The following MAP4K3 variants were observed in gnomAD, a reference collection of about 807,000 sequenced individuals.
MAP4K3 encodes the protein MAPK/ERK kinase kinase kinase 3.
A neutral mutation model predicts 143.5 loss-of-function variants in MAP4K3; 94 were observed. The ratio of observed to expected loss-of-function variants is 0.65; its 90% CI spans 0.55 to 0.78. MAP4K3 has a LOEUF of 0.78. Among genes scored for constraint, MAP4K3 ranks in the 30% least tolerant of loss-of-function variants. MAP4K3 has a pLI of 0.00. For missense variants in MAP4K3, 1,077 were observed against 1,068.1 expected (o/e 1.01, Z -0.12); for synonymous variants, 416 against 347.2 (o/e 1.20, Z -2.20).
chr2:39,379,642 G>A (rs1666309145), intron 1 of MAP4K3: 1 of 160,556 alleles, frequency 6.2e-6, no homozygotes, highest in Non-Finnish European at 1.5e-5. Context: ...ACAACTACTT[G>A]CCTCTCCTCA....
chr2:39,342,348 T>C (rs1009938621), intron 4 of MAP4K3, among the ~76,000 whole-genome samples: 1 of 152,092 alleles, frequency 6.6e-6, no homozygotes, highest in Non-Finnish European at 1.5e-5. Context: ...CAGGCCAGTC[T>C]TGAACTCCTG....
intron 16 of MAP4K3, among the ~76,000 whole-genome samples, chr2:39,298,785 G>C (rs2148487338): frequency 6.6e-6 from 1 of 152,102 alleles, no homozygotes; most frequent in East Asian, 1.9e-4. Context: ...GATCAACATG[G>C]TGAAACCCAG....
chr2:39,341,722 T>C (rs1665145550), intron 4 of MAP4K3, among the ~76,000 whole-genome samples: 1 of 150,502 alleles, frequency 6.6e-6, no homozygotes, highest in African/African-American at 2.4e-5. Flanking sequence ...AATAGAGAAA[T>C]TCACCCAAAT....
At chr2:39,416,964 T>C (rs1667398627) in intron 1 of MAP4K3, among the ~76,000 whole-genome samples, 1 of 152,218 alleles carries the variant, frequency 6.6e-6, no homozygotes, top group Non-Finnish European at 1.5e-5. Context: ...TTAAAGTTCC[T>C]ACAACATAGC....
intron 12 of MAP4K3, among the ~76,000 whole-genome samples, chr2:39,321,749 G>C: frequency 6.6e-6 from 1 of 152,252 alleles, no homozygotes; most frequent in East Asian, 1.9e-4. Flanking sequence ...CTTAGGGCTG[G>C]AGGTGGGACA....
At chr2:39,408,319 T>C (rs771911850) in intron 1 of MAP4K3, among the ~76,000 whole-genome samples, 1 of 152,018 alleles carries the variant, frequency 6.6e-6, no homozygotes, top group Non-Finnish European at 1.5e-5. Context: ...GTCAAAATAG[T>C]CTACTTGACC....
At chr2:39,267,084 G>C (rs1680796772) in intron 27 of MAP4K3, 105 bp downstream of exon 27, 1 of 1,095,198 alleles carries the variant, frequency 9.1e-7, no homozygotes, top group African/African-American at 1.6e-5. Context: ...TACTTAAGCA[G>C]GAAAAATAAA....
intron 1 of MAP4K3, among the ~76,000 whole-genome samples, chr2:39,418,245 C>A (rs1456694737): frequency 6.7e-6 from 1 of 149,036 alleles, no homozygotes; most frequent in Non-Finnish European, 1.5e-5. Flanking sequence ...ATGAATGGGA[C>A]ACAGGAAAGA....
At chr2:39,359,210 T>C (rs978886132) in intron 2 of MAP4K3, among the ~76,000 whole-genome samples, 2 of 152,144 alleles carry the variant, frequency 1.3e-5, no homozygotes, top group African/African-American at 4.8e-5. Context: ...TACAGGCCCC[T>C]TGCAAGTCTG....
intron 21 of MAP4K3, among the ~76,000 whole-genome samples, chr2:39,284,136 A>AT (rs1181554936): frequency 6.6e-6 from 1 of 152,022 alleles, no homozygotes; most frequent in Non-Finnish European, 1.5e-5. Context: ...GATGTCATCT[A>AT]TTTTAGCAAA....
intron 16 of MAP4K3, among the ~76,000 whole-genome samples, chr2:39,296,706 CAAAA>C (rs969914942): frequency 2.6e-4 from 39 of 152,266 alleles, no homozygotes; most frequent in African/African-American, 9.1e-4. Context: ...AGCAAACAAA[CAAAA>C]ACCCTATTTC....
At chr2:39,317,103 A>G (rs1683135937) in intron 12 of MAP4K3, among the ~76,000 whole-genome samples, 1 of 152,050 alleles carries the variant, frequency 6.6e-6, no homozygotes, top group Non-Finnish European at 1.5e-5. Flanking sequence ...CTAGAAATAA[A>G]GCCATACATC....
intron 12 of MAP4K3, among the ~76,000 whole-genome samples, chr2:39,316,690 C>G (rs1360114430): frequency 6.6e-6 from 1 of 152,028 alleles, no homozygotes; most frequent in Non-Finnish European, 1.5e-5. Flanking sequence ...TTCTGAAATG[C>G]TAAATAATTT....
intron 1 of MAP4K3, among the ~76,000 whole-genome samples, chr2:39,394,473 A>G (rs1666751653): frequency 6.6e-6 from 1 of 152,132 alleles, no homozygotes; most frequent in Non-Finnish European, 1.5e-5. Context: ...GAGCCACATT[A>G]TTTTTTGCTT....
intron 27 of MAP4K3, 98 bp from the exon 28 acceptor site, chr2:39,265,404 A>G: frequency 1.2e-6 from 1 of 809,368 alleles, no homozygotes; most frequent in African/African-American, 1.7e-5. Flanking sequence ...AACAAACTAA[A>G]CATAAAACAA....
At chr2:39,332,155 T>C (rs1379531437) in intron 7 of MAP4K3, among the ~76,000 whole-genome samples, 166 bp from the exon 8 acceptor site, 1 of 152,104 alleles carries the variant, frequency 6.6e-6, no homozygotes, top group Non-Finnish European at 1.5e-5. Context: ...GGACTCGCAT[T>C]AAAATATCAC....
intron 2 of MAP4K3, among the ~76,000 whole-genome samples, chr2:39,359,407 C>T (rs1477559178): frequency 4.6e-5 from 7 of 152,222 alleles, no homozygotes; most frequent in African/African-American, 9.6e-5. Flanking sequence ...GGTACAGCTC[C>T]CCTCCTGGCT....
In MAP4K3 at chr2:39,307,879, T is replaced by A. The variant is rs968996495; in HGVS notation, c.1119+64A>T. 2.4e-6 allele frequency: 3 copies of A among 1,262,344 alleles called. No homozygotes were observed. In the African/African-American group the frequency reaches 4.6e-5, roughly 19 times the overall value. 78.2% of individuals were successfully genotyped at this position (1,262,344 alleles called of 1,614,324 possible). On this transcript the variant is annotated intron_variant, in intron 15 of 33. Coordinates refer to ENST00000263881, the MANE Select transcript of MAP4K3 (RefSeq NM_003618.4). ...TGCTTTAATTGGACAAAATGTTTGA[T>A]CTTAAAAGAAAACAATTAAGACTAA...
intron 12 of MAP4K3, among the ~76,000 whole-genome samples, chr2:39,321,317 G>C (rs868108361): frequency 6.6e-6 from 1 of 152,128 alleles, no homozygotes; most frequent in South Asian, 2.1e-4. Context: ...TCTGAAACAT[G>C]TGCTGTGTCA....
Sources: allele counts gnomAD v4.1 joint callset (sites outside exome capture counted in the v4.1 genomes callset), GRCh38; gene constraint gnomAD v4.1.1; transcripts MANE v1.5; gene names NCBI Gene and HGNC (gene_info 2026-07-23, HGNC 2026-07-21).